PLEKHO2: variants seen among roughly 807,000 people sequenced by gnomAD.
PLEKHO2 encodes pleckstrin homology domain-containing family O member 2.
In PLEKHO2, 20 loss-of-function variants were observed where a neutral mutation model predicts 32.7. The ratio of observed to expected loss-of-function variants is 0.61; its 90% CI spans 0.43 to 0.89. PLEKHO2 has a LOEUF of 0.89. PLEKHO2 is among the 40% of genes least tolerant of loss of function. The pLI, the probability that PLEKHO2 is intolerant of heterozygous loss-of-function variation, is 0.00. For synonymous variants in PLEKHO2, 247 were observed against 246.3 expected (o/e 1.00, Z -0.03); for missense variants, 568 against 621.2 (o/e 0.91, Z 0.91).
rs559349573 is a variant in PLEKHO2 at position 64,845,936 on chromosome 15, A to C, written c.13-2657A>C. The stretch of plus-strand genomic sequence containing the variant: ...GTGGGTGGCTGGGCAACAGCTTCAC[A>C]CTCCACAGACCTCACTGCCTTGTTT... On this transcript the variant is annotated intron_variant, in intron 1 of 5. Coordinates refer to ENST00000323544, the MANE Select transcript of PLEKHO2 (RefSeq NM_025201.5). Among the ~76,000 whole-genome samples, 4 of 152,046 alleles carry C rather than the reference A, an allele frequency of 2.6e-5. 1 individual carries two copies. Among genetic ancestry groups the C allele is most frequent in the Admixed American group, 1.3e-4 (2 of 15,262 alleles).
rs769068597 is a variant in PLEKHO2 at position 64,865,094 on chromosome 15, G to T, written c.679G>T (p.Gly227Trp). The change falls in exon 6 of 6, where the codon GGG becomes TGG. Residue 227 changes from glycine (G) to tryptophan (W), a missense_variant. Transcript: ENST00000323544. ...SPGDRVETPV[G>W]ERAPTPVSAS... is the part of the protein sequence containing the mutation. The stretch of plus-strand genomic sequence containing the variant: ...TGGTGACAGGGTGGAGACCCCTGTG[G>T]GGGAGAGAGCCCCAACCCCTGTCTC... 3.1e-6 allele frequency: 5 copies of T among 1,613,990 alleles called. No homozygotes were observed. The African/African-American group carries it at 5.3e-5, about 17-fold the overall frequency.
chr15:64,848,451 C>T, intron 1 of PLEKHO2, 142 bp from the exon 2 acceptor site: 2 of 908,672 alleles, frequency 2.2e-6, no homozygotes, highest in Non-Finnish European at 1.7e-6. Context: ...GAATATCTGC[C>T]TTGGGGGTTG....
chr15:64,858,814 A>G (rs1036154017), intron 3 of PLEKHO2, among the ~76,000 whole-genome samples: 3 of 152,186 alleles, frequency 2.0e-5, no homozygotes, highest in South Asian at 2.1e-4. Flanking sequence ...AAATTGCACA[A>G]TTCAGCGGCA....
intron 3 of PLEKHO2, among the ~76,000 whole-genome samples, chr15:64,855,598 G>A (rs2084601343): frequency 6.6e-6 from 1 of 152,234 alleles, no homozygotes; most frequent in Non-Finnish European, 1.5e-5. Flanking sequence ...CCTGGCTTGA[G>A]AGAGTCTTTC....
chr15:64,866,008 T>C lies in PLEKHO2; in HGVS notation c.*120T>C. On this transcript the variant is annotated 3_prime_UTR_variant, in exon 6 of 6. Coordinates refer to ENST00000323544, the MANE Select transcript of PLEKHO2 (RefSeq NM_025201.5). ...ATGGCTGCAGGAGGGCCATTGGGCA[T>C]GTCAGGGTTTGGCCATGACCCGAAG... is the stretch of plus-strand genomic sequence containing the variant. 2 of 1,309,200 alleles carry C rather than the reference T, an allele frequency of 1.5e-6. No individual in the cohort carries two copies. The highest frequency in any genetic ancestry group is 2.0e-6 in the Non-Finnish European group (2 of 976,284). 81.1% of individuals were successfully genotyped at this position (1,309,200 alleles called of 1,614,324 possible).
chr15:64,863,519 TTGTG>T (rs147780306), intron 5 of PLEKHO2, among the ~76,000 whole-genome samples: 54,910 of 144,682 alleles, frequency 0.38, 10,581 homozygotes, highest in Non-Finnish European at 0.45. Flanking sequence ...GTGTGTGTGT[TTGTG>T]TGTGTGTGTG....
intron 5 of PLEKHO2, 71 bp from the exon 6 acceptor site, chr15:64,864,828 G>GT: frequency 6.7e-7 from 1 of 1,499,802 alleles, no homozygotes; most frequent in Admixed American, 2.2e-5. Flanking sequence ...GTAAGAACTC[G>GT]TGTCAGTGGG....
In PLEKHO2 at chr15:64,865,569, A is replaced by T. The variant is rs142633037; in HGVS notation, c.1154A>T (p.His385Leu). 303 of 1,614,040 alleles carry T rather than the reference A, an allele frequency of 1.9e-4. 2 individuals carry two copies. The highest frequency in any genetic ancestry group is 5.0e-5 in the Non-Finnish European group (59 of 1,180,020). ...LPPWDLPPQF[H>L]PRCSSLGDLL... ...CCCTGGGACCTGCCACCTCAGTTCC[A>T]TCCCCGCTGCTCCTCCCTTGGGGAC... Residue 385 changes from histidine to leucine, a missense_variant, in exon 6 of 6, where the codon CAT (histidine) becomes CTT (leucine). His to Leu is a moderately conservative substitution (Grantham distance 99, BLOSUM62 -3). Transcript: ENST00000323544.
chr15:64,846,810 A>G (rs1180197925), intron 1 of PLEKHO2, among the ~76,000 whole-genome samples: 1 of 152,210 alleles, frequency 6.6e-6, no homozygotes, highest in Non-Finnish European at 1.5e-5. Flanking sequence ...GCCAGAGAGG[A>G]TGGCAGTGAC....
At chr15:64,861,414 C>T (rs1796032998) in intron 4 of PLEKHO2, 63 bp from the exon 5 acceptor site, 1 of 1,344,438 alleles carries the variant, frequency 7.4e-7, no homozygotes. Flanking sequence ...CCAGGTCCGC[C>T]CTGGCTACTT....
rs967306001 is a variant in PLEKHO2 at position 64,867,710 on chromosome 15, T to C, written c.*1822T>C. 6.6e-6 allele frequency: 1 copy of C among 152,084 alleles called. No individual in the cohort carries two copies. Among genetic ancestry groups the C allele is most frequent in the East Asian group, 1.9e-4 (1 of 5,168 alleles). 9.4% of individuals were successfully genotyped at this position (152,084 alleles called of 1,614,324 possible). On this transcript the variant is annotated 3_prime_UTR_variant, in exon 6 of 6. Coordinates refer to ENST00000323544, the MANE Select transcript of PLEKHO2 (RefSeq NM_025201.5). ...AGTCTGTGGGTGCAGAGACCCTGCA[T>C]GTAGGTCACAGGTTGAGGCCCAGCC... is the stretch of plus-strand genomic sequence containing the variant.
intron 3 of PLEKHO2, among the ~76,000 whole-genome samples, chr15:64,855,339 T>G (rs2084599867): frequency 1.3e-5 from 2 of 151,860 alleles, no homozygotes; most frequent in Admixed American, 1.3e-4. Flanking sequence ...CTTTGGGAGG[T>G]GGGGCACTTG....
chr15:64,865,566 TC>T lies in PLEKHO2; in HGVS notation c.1153del (p.His385IlefsTer32). On this transcript the variant is annotated frameshift_variant, in exon 6 of 6. Coordinates refer to ENST00000323544, the MANE Select transcript of PLEKHO2 (RefSeq NM_025201.5). LOFTEE classifies it high-confidence loss of function. ...CCCCCCTGGGACCTGCCACCTCAGT[TC>T]CATCCCCGCTGCTCCTCCCTTGGGG... is the stretch of plus-strand genomic sequence containing the variant. ...ALPPWDLPPQ[F>X]HPRCSSLGDL... The T allele has an allele frequency of 6.2e-7, 1 of 1,614,150 alleles. No individual in the cohort carries two copies. The highest frequency in any genetic ancestry group is 8.5e-7 in the Non-Finnish European group (1 of 1,179,998).
intron 3 of PLEKHO2, among the ~76,000 whole-genome samples, chr15:64,858,415 G>A (rs758089769): frequency 1.3e-5 from 2 of 152,216 alleles, no homozygotes; most frequent in Non-Finnish European, 2.9e-5. Flanking sequence ...GGATGGGCAA[G>A]CTGGCGACCG....
At position 64,842,047 on chromosome 15, in the gene PLEKHO2, G is replaced by C; in HGVS notation, c.12+19G>C. 2 of 1,238,672 alleles carry C rather than the reference G, an allele frequency of 1.6e-6. No individual in the cohort carries two copies. Among genetic ancestry groups the C allele is most frequent in the Non-Finnish European group, 2.0e-6 (2 of 990,878 alleles). 76.7% of individuals were successfully genotyped at this position (1,238,672 alleles called of 1,614,324 possible). On this transcript the variant is annotated intron_variant, in intron 1 of 5. Transcript: ENST00000323544. ...GGAGGAGGTGAGGGCGGGGCCCGGC[G>C]GGGCGTTGGGCTGGGGTCCTCGAGC...
intron 1 of PLEKHO2, among the ~76,000 whole-genome samples, chr15:64,842,436 G>C (rs1375591978): frequency 2.7e-5 from 4 of 147,328 alleles, no homozygotes; most frequent in South Asian, 2.1e-4. Flanking sequence ...GATCCTGACT[G>C]TGTGTGTGTG....
chr15:64,861,628 C>T lies in PLEKHO2; in HGVS notation c.483+53C>T, dbSNP rs2084642523. On this transcript the variant is annotated intron_variant, in intron 5 of 5. Transcript: ENST00000323544. The stretch of plus-strand genomic sequence containing the variant: ...GGGTTAGTTGAGCCTAGGACCTCAG[C>T]TCCTCTGGGCGGCAGCCAGGCTTGG... 9 of 1,422,690 alleles carry T rather than the reference C, an allele frequency of 6.3e-6. No individual in the cohort carries two copies. In the South Asian group the frequency reaches 8.0e-5, roughly 13 times the overall value. The allele number at this position is 1,422,690 out of a possible 1,614,324, so 88.1% of individuals were successfully genotyped here. A position where few individuals can be genotyped will look rare whatever the true frequency, so the allele number is the denominator to read the frequency against.
chr15:64,848,304 A>T (rs1324914824), intron 1 of PLEKHO2, among the ~76,000 whole-genome samples: 1 of 152,220 alleles, frequency 6.6e-6, no homozygotes, highest in African/African-American at 2.4e-5. Flanking sequence ...TTGCTATGAC[A>T]TGTGGATAAT....
chr15:64,855,986 G>A (rs908400834), intron 3 of PLEKHO2, among the ~76,000 whole-genome samples: 3 of 152,096 alleles, frequency 2.0e-5, no homozygotes, highest in Admixed American at 2.0e-4. Flanking sequence ...GTCCTACTGT[G>A]CAGGGGGTGG....
Sources: gnomAD v4.1 joint callset for allele counts (sites outside exome capture counted in the v4.1 genomes callset) on GRCh38, gnomAD v4.1.1 for gene constraint, MANE v1.5 for transcripts, NCBI Gene and HGNC (gene_info 2026-07-23, HGNC 2026-07-21) for gene names.